RINT1: variants seen among roughly 807,000 people sequenced by gnomAD.
RINT1 encodes the protein RAD50 interactor 1, also known as RAD50-interacting protein 1.
RINT1 carries 75 observed loss-of-function variants against 97.7 expected under a neutral mutation model. The ratio of observed to expected loss-of-function variants is 0.77; its 90% CI spans 0.64 to 0.93. The LOEUF is 0.93. RINT1 is among the 40% of genes least tolerant of loss of function. RINT1 has a pLI of 0.00. For synonymous variants in RINT1, 303 were observed against 326.3 expected (o/e 0.93, Z 0.77); for missense variants, 892 against 925.2 (o/e 0.96, Z 0.47).
intron 10 of RINT1, among the ~76,000 whole-genome samples, chr7:105,554,146 C>T (rs897597228): frequency 6.6e-6 from 1 of 151,972 alleles, no homozygotes; most frequent in Non-Finnish European, 1.5e-5. Flanking sequence ...GATCCACCCG[C>T]CTCAGCCTCC....
chr7:105,547,384 G>A (rs751505556), intron 6 of RINT1, 51 bp downstream of exon 6: 2 of 1,586,196 alleles, frequency 1.3e-6, no homozygotes, highest in South Asian at 2.2e-5. Context: ...TTCTAGAATG[G>A]GTTTGTGGCT....
chr7:105,553,999 C>T (rs1041040292), intron 10 of RINT1, among the ~76,000 whole-genome samples: 20 of 148,518 alleles, frequency 1.3e-4, no homozygotes, highest in African/African-American at 3.4e-4. Context: ...CCCGGGTTCA[C>T]GCCATTCTCC....
chr7:105,545,244 A>G (rs942224394), intron 4 of RINT1, among the ~76,000 whole-genome samples: 1 of 151,526 alleles, frequency 6.6e-6, no homozygotes, highest in Non-Finnish European at 1.5e-5. Flanking sequence ...TGAGCTCTGA[A>G]TTCTGTGACC....
At chr7:105,535,080 A>AT (rs1394550254) in intron 2 of RINT1, among the ~76,000 whole-genome samples, 1 of 152,140 alleles carries the variant, frequency 6.6e-6, no homozygotes, top group African/African-American at 2.4e-5. Flanking sequence ...TTTATTTGCC[A>AT]TGGAAAGAAT....
At position 105,542,588 on chromosome 7, in the gene RINT1, A is replaced by C. The variant is rs757714629; in HGVS notation, c.454A>C (p.Ile152Leu). ...CGATCTTGGAACCATGATTAGCCAG[A>C]TTGAAGAGATCGAACGTCATCTTGC... is the stretch of plus-strand genomic sequence containing the variant. Reference protein sequence around the residue: ...MDDLGTMISQIEEIERHLAYL... With the variant: ...MDDLGTMISQLEEIERHLAYL... Residue 152 changes from isoleucine (I) to leucine (L), a missense_variant, in exon 4 of 15, where the codon ATT becomes CTT. Physicochemically the swap from Ile to Leu is conservative, Grantham distance 5. Transcript: ENST00000257700. The C allele has an allele frequency of 6.2e-7, 1 of 1,614,170 alleles. No individual in the cohort carries two copies. Among genetic ancestry groups the C allele is most frequent in the Non-Finnish European group, 8.5e-7 (1 of 1,180,022 alleles).
intron 14 of RINT1, among the ~76,000 whole-genome samples, chr7:105,566,023 A>G (rs865326): frequency 0.04 from 6,131 of 152,288 alleles, 166 homozygotes; most frequent in East Asian, 0.087. Context: ...TAATCCCAAC[A>G]CTTCGGGAGG....
At chr7:105,562,845 G>A (rs1215033628) in intron 11 of RINT1, among the ~76,000 whole-genome samples, 1 of 152,166 alleles carries the variant, frequency 6.6e-6, no homozygotes, top group Non-Finnish European at 1.5e-5. Flanking sequence ...GGAGACTGCA[G>A]TCAGCCAAGA....
chr7:105,566,599 A>C (rs1791758211), intron 14 of RINT1: 1 of 152,062 alleles, frequency 6.6e-6, no homozygotes, highest in Non-Finnish European at 1.5e-5. Flanking sequence ...ATGATCGTGC[A>C]GTTTCACTCC....
At chr7:105,562,511 T>C (rs1483594351) in intron 11 of RINT1, among the ~76,000 whole-genome samples, 1 of 152,216 alleles carries the variant, frequency 6.6e-6, no homozygotes, top group Non-Finnish European at 1.5e-5. Context: ...CTACCATGCC[T>C]AGCCTTTCAA....
Position 105,542,469 on chromosome 7 carries a change from A to C in RINT1, c.335A>C (p.Glu112Ala). The change falls in exon 4 of 15, where the codon GAA becomes GCA. Residue 112 changes from glutamate (E) to alanine (A), a missense_variant. By Grantham distance (107) the Glu-to-Ala change is moderately radical. Coordinates refer to ENST00000257700, the MANE Select transcript of RINT1 (RefSeq NM_021930.6). ...RIRSALKNAE[E>A]SKQFLNQFLE... ...CGAAGTGCCTTAAAAAATGCAGAAG[A>C]ATCAAAGCAATTTCTTAATCAGTTT... The C allele has an allele frequency of 6.2e-7, 1 of 1,613,884 alleles. No individual in the cohort carries two copies. The highest frequency in any genetic ancestry group is 8.5e-7 in the Non-Finnish European group (1 of 1,179,780).
At chr7:105,565,143 T>C (rs1791642585) in intron 12 of RINT1, 134 bp from the exon 13 acceptor site, 1 of 611,386 alleles carries the variant, frequency 1.6e-6, no homozygotes, top group Non-Finnish European at 2.7e-6. Flanking sequence ...TGATAGAGCT[T>C]TTAATGTTAG....
At chr7:105,534,655 T>C (rs1404343962) in intron 2 of RINT1, among the ~76,000 whole-genome samples, 1 of 151,842 alleles carries the variant, frequency 6.6e-6, no homozygotes, top group Non-Finnish European at 1.5e-5. Flanking sequence ...ATTTGTTTTC[T>C]AGTTGGAAAA....
chr7:105,547,008 C>G lies in RINT1; in HGVS notation c.614C>G (p.Ser205Cys). The G allele has an allele frequency of 1.2e-6, 2 of 1,613,882 alleles. No homozygotes were observed. Among genetic ancestry groups the G allele is most frequent in the East Asian group, 2.2e-5 (1 of 44,874 alleles). The change falls in exon 5 of 15, where the codon TCT becomes TGT. Residue 205 changes from serine (S) to cysteine (C), a missense_variant. Ser to Cys is a moderately radical substitution (Grantham distance 112). Transcript: ENST00000257700. ...CTTGACATTAAACTTCAGGAATCAT[C>G]TTGTACTCATCTTCTTGGTTTCATG... ...AELDIKLQES[S>C]CTHLLGFMRA...
intron 4 of RINT1, among the ~76,000 whole-genome samples, chr7:105,544,093 T>G (rs1197998591): frequency 1.3e-5 from 2 of 150,636 alleles, no homozygotes; most frequent in Non-Finnish European, 3.0e-5. Flanking sequence ...AGAGCGAAAC[T>G]CCGTCTCAAA....
chr7:105,557,913 A>G (rs1791254003), intron 11 of RINT1, among the ~76,000 whole-genome samples: 1 of 152,198 alleles, frequency 6.6e-6, no homozygotes, highest in African/African-American at 2.4e-5. Flanking sequence ...TCCTATAAAA[A>G]TAACTGAAAT....
chr7:105,565,657 A>C lies in RINT1; in HGVS notation c.2186+9A>C. 3.3e-6 allele frequency: 5 copies of C among 1,497,220 alleles called. No individual in the cohort carries two copies. The highest frequency in any genetic ancestry group is 4.6e-6 in the Non-Finnish European group (5 of 1,077,944). 92.7% of individuals were successfully genotyped at this position (1,497,220 alleles called of 1,614,324 possible). A position where few individuals can be genotyped will look rare whatever the true frequency, so the allele number is the denominator to read the frequency against. On this transcript the variant is annotated intron_variant, in intron 14 of 14. Transcript: ENST00000257700. ...GAAAATTATTTTAAACAGTAAGCTC[A>C]ACATTTAACAATTAATATTAATGTA...
intron 11 of RINT1, among the ~76,000 whole-genome samples, chr7:105,560,725 T>G (rs1352430787): frequency 6.6e-6 from 1 of 152,078 alleles, no homozygotes; most frequent in Non-Finnish European, 1.5e-5. Flanking sequence ...TTTTTTATTT[T>G]GGTTTTTTTT....
chr7:105,566,993 A>G (rs1028948054), intron 14 of RINT1, 126 bp from the exon 15 acceptor site: 6 of 498,114 alleles, frequency 1.2e-5, no homozygotes, highest in East Asian at 3.3e-5. Context: ...TAATAAATCC[A>G]TAAATATTTT....
chr7:105,543,340 T>A (rs896317155), intron 4 of RINT1, among the ~76,000 whole-genome samples: 1 of 152,188 alleles, frequency 6.6e-6, no homozygotes, highest in African/African-American at 2.4e-5. Flanking sequence ...TTTGTATAAT[T>A]TGAATATTTT....
Sources: gnomAD v4.1 joint callset for allele counts (sites outside exome capture counted in the v4.1 genomes callset) on GRCh38, gnomAD v4.1.1 for gene constraint, MANE v1.5 for transcripts, NCBI Gene and HGNC (gene_info 2026-07-23, HGNC 2026-07-21) for gene names.